Variants in ARVCF observed in about 807,000 individuals in gnomAD.
ARVCF encodes ARVCF delta catenin family member, also known as splicing regulator ARVCF.
A neutral mutation model predicts 90.9 loss-of-function variants in ARVCF; 66 were observed. That is an observed-to-expected ratio of 0.73 (90% CI 0.60 to 0.89). The LOEUF is 0.89. Ranked by LOEUF, ARVCF falls within the 40% of genes least tolerant of loss-of-function variation. The pLI, the probability that ARVCF is intolerant of heterozygous loss-of-function variation, is 0.00. For missense variants in ARVCF, 1,469 were observed against 1,382.3 expected, an observed-to-expected ratio of 1.06 and a Z score of -1.00; for synonymous variants, 653 against 603.4, an observed-to-expected ratio of 1.08 and a Z score of -1.21.
At chr22:20,007,904 T>G (rs1351008767) in intron 2 of ARVCF, among the ~76,000 whole-genome samples, 1 of 152,258 alleles carries the variant, frequency 6.6e-6, no homozygotes, top group Non-Finnish European at 1.5e-5. Flanking sequence ...GATTAAATGC[T>G]GTGTACAAAA....
intron 3 of ARVCF, chr22:19,987,053 C>G (rs746268836): frequency 3.1e-6 from 2 of 654,520 alleles, no homozygotes; most frequent in Admixed American, 2.3e-5. Flanking sequence ...AGGGTCCCCC[C>G]AAGCCAACTT....
In ARVCF at chr22:19,972,345, C is replaced by G. The variant is rs1569145345; in HGVS notation, c.2695+13G>C. 1.2e-6 allele frequency: 2 copies of G among 1,613,746 alleles called. No individual in the cohort carries two copies. Among genetic ancestry groups the G allele is most frequent in the Non-Finnish European group, 1.7e-6 (2 of 1,179,960 alleles). ...CCGGCACAGAAAACCAACCACACTG[C>G]ATCTGCACTCACCTGGGCCCAGCGC... On this transcript the variant is annotated intron_variant, in intron 17 of 19. Coordinates refer to ENST00000263207, the MANE Select transcript of ARVCF (RefSeq NM_001670.3).
At chr22:19,985,066 G>A (rs1039633753) in intron 3 of ARVCF, among the ~76,000 whole-genome samples, 3 of 152,178 alleles carry the variant, frequency 2.0e-5, no homozygotes, top group South Asian at 4.1e-4. Context: ...CCACTCTCAG[G>A]GACCCTGGCC....
At chr22:19,975,847 G>T in intron 10 of ARVCF, 90 bp from the exon 11 acceptor site, 2 of 1,346,572 alleles carry the variant, frequency 1.5e-6, no homozygotes, top group Non-Finnish European at 2.1e-6. Flanking sequence ...TCCTACCCAG[G>T]CCCCAAAAGG....
In ARVCF at chr22:19,981,324, C is replaced by T. The variant is rs1321514695; in HGVS notation, c.783G>A (p.Leu261=). The change falls in exon 5 of 20, where the codon TTG becomes TTA. Residue 261 remains leucine, a synonymous_variant. Transcript: ENST00000263207. The part of the protein sequence containing the change: ...PERFQAEPYG[L]EDDTRSLAAD... ...CGGCCAGGCTGCGCGTGTCATCCTC[C>T]AAGCCATACGGCTCTGCCTGGAAGC... 1 of 1,603,182 alleles carries T rather than the reference C, an allele frequency of 6.2e-7. No homozygotes were observed. The highest frequency in any genetic ancestry group is 8.5e-7 in the Non-Finnish European group (1 of 1,176,064).
chr22:19,983,398 C>T (rs1283725669), intron 3 of ARVCF, among the ~76,000 whole-genome samples: 3 of 152,254 alleles, frequency 2.0e-5, no homozygotes, highest in African/African-American at 7.2e-5. Context: ...CTCAGCGCTG[C>T]CCTCAGGACC....
rs531491262 is a variant in ARVCF, at chr22:19,970,707, G to A, written c.*49C>T. 6.2e-6 allele frequency: 8 copies of A among 1,286,374 alleles called. No individual in the cohort carries two copies. The highest frequency in any genetic ancestry group is 3.7e-5 in the South Asian group (3 of 80,608). The allele number at this position is 1,286,374 out of a possible 1,614,324, so 79.7% of individuals were successfully genotyped here. On this transcript the variant is annotated 3_prime_UTR_variant, in exon 20 of 20. Coordinates refer to ENST00000263207, the MANE Select transcript of ARVCF (RefSeq NM_001670.3). The stretch of plus-strand genomic sequence containing the variant: ...CTGCTCAGGGTGGCCCTTCTTCCAC[G>A]ATCCAAGCCCTAAGAACAAGAGGCT...
intron 1 of ARVCF, 42 bp downstream of exon 1, chr22:20,016,547 C>A (rs1945189382): frequency 6.6e-6 from 1 of 151,790 alleles, no homozygotes; most frequent in Non-Finnish European, 1.5e-5. Flanking sequence ...ACCCGAGGCC[C>A]CAGCCCCGGG....
chr22:20,015,942 C>G (rs997959808), intron 1 of ARVCF, among the ~76,000 whole-genome samples: 6 of 138,344 alleles, frequency 4.3e-5, no homozygotes, highest in African/African-American at 1.7e-4. Flanking sequence ...GCCACCTGCC[C>G]AGGGCGACTC....
intron 1 of ARVCF, among the ~76,000 whole-genome samples, chr22:20,014,342 A>C (rs1421908484): frequency 6.6e-6 from 1 of 150,498 alleles, no homozygotes; most frequent in African/African-American, 2.5e-5. Flanking sequence ...CTACAGGCGC[A>C]TGCCACCATG....
At chr22:19,987,246 G>C (rs986444050) in intron 3 of ARVCF, 2 of 341,244 alleles carry the variant, frequency 5.9e-6, no homozygotes, top group African/African-American at 4.3e-5. Context: ...CAGCCAATCG[G>C]GCGGGGCCGC....
At chr22:20,001,011 C>G (rs1944424793) in intron 2 of ARVCF, among the ~76,000 whole-genome samples, 1 of 152,210 alleles carries the variant, frequency 6.6e-6, no homozygotes, top group Non-Finnish European at 1.5e-5. Context: ...GGACCCACAG[C>G]TGCCCCACAG....
chr22:20,003,333 G>T (rs1369118849), intron 2 of ARVCF, among the ~76,000 whole-genome samples: 2 of 152,120 alleles, frequency 1.3e-5, no homozygotes, highest in African/African-American at 4.8e-5. Flanking sequence ...AAATAAAGAG[G>T]AAGGAACACT....
intron 11 of ARVCF, among the ~76,000 whole-genome samples, chr22:19,974,529 G>GC (rs1455324348): frequency 2.0e-5 from 3 of 152,108 alleles, no homozygotes; most frequent in Admixed American, 1.3e-4. Flanking sequence ...CGCTCTCCTA[G>GC]CAACAAGACC....
At chr22:19,996,379 A>ACACATG (rs1944252163) in intron 2 of ARVCF, among the ~76,000 whole-genome samples, 1 of 151,606 alleles carries the variant, frequency 6.6e-6, no homozygotes, top group South Asian at 2.1e-4. Context: ...ATTTAGAGCA[A>ACACATG]CACATGCAGT....
intron 3 of ARVCF, among the ~76,000 whole-genome samples, chr22:19,983,344 G>C: frequency 6.6e-6 from 1 of 152,242 alleles, no homozygotes; most frequent in Middle Eastern, 3.2e-3. Context: ...TCCAGAGGCA[G>C]ACTCTGCCCA....
intron 18 of ARVCF, 31 bp from the exon 19 acceptor site, chr22:19,971,366 A>G: frequency 1.3e-6 from 2 of 1,542,008 alleles, no homozygotes; most frequent in Non-Finnish European, 1.7e-6. Context: ...TTAGAGGCAC[A>G]ATAGAGCAGG....
At chr22:19,967,280 C>T (rs1444924167), downstream of ARVCF, 2 of 1,179,314 alleles carry the variant, frequency 1.7e-6, no homozygotes, top group Admixed American at 2.3e-5. Flanking sequence ...GCCCCTCACT[C>T]ATGCATTCCC....
chr22:19,966,365 G>C (rs1215371192), downstream of ARVCF, among the ~76,000 whole-genome samples: 1 of 151,496 alleles, frequency 6.6e-6, no homozygotes, highest in Non-Finnish European at 1.5e-5. Flanking sequence ...GCTTTGAGGA[G>C]GCCTCTCCAC....
Sources: allele counts gnomAD v4.1 joint callset (sites outside exome capture counted in the v4.1 genomes callset), GRCh38; gene constraint gnomAD v4.1.1; transcripts MANE v1.5; gene names NCBI Gene and HGNC (gene_info 2026-07-23, HGNC 2026-07-21).